RAB11FIP4: variants seen among roughly 807,000 people sequenced by gnomAD.
RAB11FIP4 encodes RAB11 family interacting protein 4.
A neutral mutation model predicts 74.3 loss-of-function variants in RAB11FIP4; 23 were observed. That is an observed-to-expected ratio of 0.31 (90% confidence interval 0.22 to 0.44). The LOEUF (loss-of-function observed/expected upper bound fraction) is 0.44. Ranked by LOEUF, RAB11FIP4 falls within the 20% of genes least tolerant of loss-of-function variation. The pLI, the probability that RAB11FIP4 is intolerant of heterozygous loss-of-function variation, is 1.00. For missense variants in RAB11FIP4, 630 were observed against 863.9 expected (o/e 0.73, Z 3.39); for synonymous variants, 360 against 359.9 (o/e 1.00, Z 0.00).
chr17:31,530,494 T>C, intron 14 of RAB11FIP4, 25 bp downstream of exon 14: 2 of 1,603,342 alleles, frequency 1.2e-6, no homozygotes, highest in Non-Finnish European at 8.5e-7. Flanking sequence ...GGCTCTTGCT[T>C]TGGGGCCTGG....
chr17:31,494,732 C>G (rs2072081695), intron 3 of RAB11FIP4, among the ~76,000 whole-genome samples: 1 of 152,028 alleles, frequency 6.6e-6, no homozygotes, highest in Admixed American at 6.5e-5. Context: ...CCACCGCGGC[C>G]CCCCAAAGTG....
At chr17:31,497,180 A>G (rs2072132646) in intron 3 of RAB11FIP4, among the ~76,000 whole-genome samples, 1 of 152,108 alleles carries the variant, frequency 6.6e-6, no homozygotes, top group South Asian at 2.1e-4. Context: ...CCTGACCAAC[A>G]TGGTGAAACC....
intron 4 of RAB11FIP4, among the ~76,000 whole-genome samples, chr17:31,519,581 C>T (rs1359910903): frequency 6.6e-6 from 1 of 151,926 alleles, no homozygotes. Flanking sequence ...CAAGTGGCAG[C>T]CCCTTACCAG....
At chr17:31,460,387 C>T (rs2071623102) in intron 3 of RAB11FIP4, among the ~76,000 whole-genome samples, 1 of 152,134 alleles carries the variant, frequency 6.6e-6, no homozygotes, top group Admixed American at 6.5e-5. Flanking sequence ...GGCCCTTCCC[C>T]GTGAGACTTT....
chr17:31,511,781 C>T (rs2072456653), intron 3 of RAB11FIP4, among the ~76,000 whole-genome samples: 1 of 152,192 alleles, frequency 6.6e-6, no homozygotes, highest in Non-Finnish European at 1.5e-5. Flanking sequence ...CTGGGACGGC[C>T]CCCACGTGTA....
At chr17:31,520,902 T>C (rs1476204980) in intron 4 of RAB11FIP4, 1 of 257,522 alleles carries the variant, frequency 3.9e-6, no homozygotes, top group Non-Finnish European at 7.3e-6. Flanking sequence ...TAATTTGATC[T>C]AGCTGTAGCT....
intron 3 of RAB11FIP4, among the ~76,000 whole-genome samples, chr17:31,467,151 C>T (rs987136090): frequency 6.7e-6 from 1 of 150,096 alleles, no homozygotes; most frequent in Non-Finnish European, 1.5e-5. Context: ...CTTGCTCTGT[C>T]GCCCAGGCTG....
Position 31,525,126 on chromosome 17 carries a change from G to T in RAB11FIP4, c.1170G>T (p.Glu390Asp), listed in dbSNP as rs2072741237. 2 of 1,550,356 alleles carry T rather than the reference G, an allele frequency of 1.3e-6. No homozygotes were observed. Among genetic ancestry groups the T allele is most frequent in the Non-Finnish European group, 8.7e-7 (1 of 1,147,108 alleles). Residue 390 changes from glutamate (E) to aspartate (D), a missense_variant, in exon 10 of 15, where the codon GAG becomes GAT. Coordinates refer to ENST00000621161, the MANE Select transcript of RAB11FIP4 (RefSeq NM_032932.6). ...TGGAGGAGATGGTGAAGGATCAGGAGACCACGGCCGAGCAGGCTCTGGAGG... is the reference window on the plus strand; with the variant it reads ...TGGAGGAGATGGTGAAGGATCAGGATACCACGGCCGAGCAGGCTCTGGAGG... The part of the protein sequence containing the change: ...HELEEMVKDQ[E>D]TTAEQALEEE...
chr17:31,515,976 C>T lies in RAB11FIP4; in HGVS notation c.337-1675C>T, dbSNP rs186190620. 1.3e-4 allele frequency among the ~76,000 whole-genome samples: 20 copies of T among 152,358 alleles called. No individual in the cohort carries two copies. In the East Asian group the frequency reaches 3.1e-3, roughly 23 times the overall value. ...ACGCTCAGAAGTGAGGCCTGGCATT[C>T]TTGCTCCCAGCAAGGCTGTGGCAGG... On this transcript the variant is annotated intron_variant, in intron 3 of 14. Coordinates refer to ENST00000621161, the MANE Select transcript of RAB11FIP4 (RefSeq NM_032932.6).
intron 4 of RAB11FIP4, among the ~76,000 whole-genome samples, chr17:31,520,094 CAAAAA>C (rs10612669): frequency 1.7e-4 from 16 of 91,754 alleles, no homozygotes; most frequent in African/African-American, 4.3e-4. Flanking sequence ...ACTCTGTCTC[CAAAAA>C]AAAAAAAAAA....
intron 3 of RAB11FIP4, among the ~76,000 whole-genome samples, chr17:31,447,156 C>T (rs539678300): frequency 1.5e-3 from 227 of 152,260 alleles, no homozygotes; most frequent in Admixed American, 4.0e-3. Flanking sequence ...TGGTGGTGGG[C>T]GCCTGTAGTC....
At chr17:31,505,561 T>C (rs1296260865) in intron 3 of RAB11FIP4, among the ~76,000 whole-genome samples, 2 of 73,308 alleles carry the variant, frequency 2.7e-5, no homozygotes, top group Non-Finnish European at 5.2e-5. Context: ...TAATAATAAT[T>C]ATAATATATA....
intron 1 of RAB11FIP4, among the ~76,000 whole-genome samples, chr17:31,396,224 A>T (rs2070929613): frequency 7.2e-6 from 1 of 139,536 alleles, no homozygotes; most frequent in Non-Finnish European, 1.6e-5. Context: ...AAAAGAAAGA[A>T]ATGCAGATTT....
chr17:31,405,556 A>G (rs2071034608), intron 1 of RAB11FIP4, among the ~76,000 whole-genome samples: 1 of 152,104 alleles, frequency 6.6e-6, no homozygotes, highest in Non-Finnish European at 1.5e-5. Flanking sequence ...TATTTTTAGT[A>G]GAGACGGGGT....
chr17:31,393,517 G>A (rs1275223798), intron 1 of RAB11FIP4, among the ~76,000 whole-genome samples: 1 of 152,170 alleles, frequency 6.6e-6, no homozygotes, highest in Non-Finnish European at 1.5e-5. Context: ...CCTCAGCCAC[G>A]TGCCCAGCAA....
chr17:31,391,962 G>C lies in RAB11FIP4; in HGVS notation c.110G>C (p.Arg37Pro). The C allele has an allele frequency of 7.3e-7, 1 of 1,374,530 alleles. No homozygotes were observed. The highest frequency in any genetic ancestry group is 9.4e-7 in the Non-Finnish European group (1 of 1,061,526). 85.1% of individuals were successfully genotyped at this position (1,374,530 alleles called of 1,614,324 possible). ...GGCCGCGACCCCGACGGCTTCCTGC[G>C]CGTGGAGCGCGTCGCGGCGCTCGGA... ...VCGRDPDGFL[R>P]VERVAALGLR... The change falls in exon 1 of 15, where the codon CGC becomes CCC. Residue 37 changes from arginine to proline, a missense_variant. By Grantham distance (103) the Arg-to-Pro change is moderately radical. Transcript: ENST00000621161.
chr17:31,480,433 T>C (rs920131099), intron 3 of RAB11FIP4, among the ~76,000 whole-genome samples: 2 of 151,756 alleles, frequency 1.3e-5, no homozygotes, highest in South Asian at 4.2e-4. Context: ...AAGTCTGGAG[T>C]AGCAGGCAAG....
chr17:31,430,714 A>G (rs769668378), intron 1 of RAB11FIP4, among the ~76,000 whole-genome samples: 1 of 152,056 alleles, frequency 6.6e-6, no homozygotes, highest in Non-Finnish European at 1.5e-5. Context: ...GGTTTTAAGC[A>G]GAGGAGTGGG....
intron 3 of RAB11FIP4, among the ~76,000 whole-genome samples, chr17:31,487,139 C>T (rs1387730737): frequency 6.6e-6 from 1 of 152,212 alleles, no homozygotes; most frequent in East Asian, 1.9e-4. Flanking sequence ...AGATAAATCT[C>T]TCCCCTCACT....
Sources: allele counts gnomAD v4.1 joint callset (sites outside exome capture counted in the v4.1 genomes callset), GRCh38; gene constraint gnomAD v4.1.1; transcripts MANE v1.5; gene names NCBI Gene and HGNC (gene_info 2026-07-23, HGNC 2026-07-21).